PPP2R2A: variants seen among roughly 807,000 people sequenced by gnomAD.
The protein encoded by PPP2R2A is serine/threonine-protein phosphatase 2A 55 kDa regulatory subunit B alpha isoform.
In PPP2R2A, 9 loss-of-function variants were observed where a neutral mutation model predicts 53.2. The observed-to-expected ratio is 0.17, with a 90% CI of 0.10 to 0.30. PPP2R2A has a LOEUF of 0.30. PPP2R2A is among the 10% of genes least tolerant of loss of function. The probability of loss-of-function intolerance (pLI) is 1.00; values close to 1 mark genes in which losing one functional copy is unlikely to be tolerated. For synonymous variants in PPP2R2A, 169 were observed against 174.2 expected (o/e 0.97, Z 0.23); for missense variants, 235 against 534.6 (o/e 0.44, Z 5.53).
Position 26,321,164 on chromosome 8 carries a change from G to A in PPP2R2A, c.83-17726G>A, listed in dbSNP as rs2117266697. 6.6e-6 allele frequency among the ~76,000 whole-genome samples: 1 copy of A among 152,336 alleles called. No individual in the cohort carries two copies. The highest frequency in any genetic ancestry group is 6.5e-5 in the Admixed American group (1 of 15,308). On this transcript the variant is annotated intron_variant, in intron 2 of 9. Coordinates refer to ENST00000380737, the MANE Select transcript of PPP2R2A (RefSeq NM_002717.4). This position sits in a 1 kb window ranked among gnomAD's most constrained non-coding sequence, Gnocchi z 4.1. ...TAGTGTTCATTTCTGTGGTTGTGAAGCGCTAGTAGGAGTAAGTGACAGGAC... is the reference window on the plus strand; with the variant it reads ...TAGTGTTCATTTCTGTGGTTGTGAAACGCTAGTAGGAGTAAGTGACAGGAC...
chr8:26,370,082 A>C lies in PPP2R2A; in HGVS notation c.1065-52A>C. On this transcript the variant is annotated intron_variant, in intron 9 of 9. Coordinates refer to ENST00000380737, the MANE Select transcript of PPP2R2A (RefSeq NM_002717.4). The surrounding 1 kb of genome is among the most constrained non-coding windows in gnomAD (Gnocchi z 6.1). ...TTAATTGCCGAATCATTTTACTTGA[A>C]AACAATTTCTTGTTCTGCTTGTTTG... 6.4e-7 allele frequency: 1 copy of C among 1,558,328 alleles called. No individual in the cohort carries two copies. The highest frequency in any genetic ancestry group is 1.8e-5 in the Admixed American group (1 of 54,870).
At chr8:26,349,506 G>A (rs1314563583) in intron 3 of PPP2R2A, among the ~76,000 whole-genome samples, 2 of 152,182 alleles carry the variant, frequency 1.3e-5, no homozygotes, top group African/African-American at 4.8e-5. Flanking sequence ...AAATCCAGAA[G>A]TGGGATTGCT....
At chr8:26,330,230 G>A (rs896071060) in intron 2 of PPP2R2A, among the ~76,000 whole-genome samples, 1 of 151,376 alleles carries the variant, frequency 6.6e-6, no homozygotes, top group Admixed American at 6.6e-5. Context: ...ACTTCAAATA[G>A]TATGTTTTTT....
chr8:26,365,338 TA>T (rs1472116179), intron 8 of PPP2R2A: 1 of 152,234 alleles, frequency 6.6e-6, no homozygotes, highest in African/African-American at 2.4e-5. Flanking sequence ...CTTTTGATCC[TA>T]ACCCCACATG....
chr8:26,335,559 A>T (rs1563306082), intron 2 of PPP2R2A, among the ~76,000 whole-genome samples: 1 of 152,328 alleles, frequency 6.6e-6, no homozygotes, highest in East Asian at 1.9e-4. Context: ...CACTATTCAG[A>T]TAAAAAGTGA....
chr8:26,292,457 T>A (rs865793291), intron 1 of PPP2R2A: 4 of 983,540 alleles, frequency 4.1e-6, no homozygotes, highest in African/African-American at 3.5e-5. Flanking sequence ...GCAAGTTGCA[T>A]GAAAATAATT....
intron 2 of PPP2R2A, among the ~76,000 whole-genome samples, chr8:26,336,373 G>A (rs1219794080): frequency 6.6e-6 from 1 of 152,108 alleles, no homozygotes; most frequent in Non-Finnish European, 1.5e-5. Flanking sequence ...AGGCTGCAGT[G>A]AGGTATGATT....
chr8:26,332,875 A>AT (rs1229322702), intron 2 of PPP2R2A, among the ~76,000 whole-genome samples: 1 of 152,180 alleles, frequency 6.6e-6, no homozygotes, highest in South Asian at 2.1e-4. Context: ...TCATCCAGAG[A>AT]TTTATAGAAT....
chr8:26,358,999 C>G (rs1476736747), intron 4 of PPP2R2A: 3 of 453,478 alleles, frequency 6.6e-6, no homozygotes, highest in South Asian at 1.6e-5. Flanking sequence ...CAAACATTGT[C>G]TTAACCAAAT....
intron 2 of PPP2R2A, among the ~76,000 whole-genome samples, chr8:26,301,577 A>G (rs777130684): frequency 3.9e-5 from 6 of 151,950 alleles, no homozygotes; most frequent in Admixed American, 6.6e-5. Context: ...TCGTTAGCTG[A>G]GATGTGCTAT....
chr8:26,296,739 T>C (rs376264557), intron 2 of PPP2R2A, among the ~76,000 whole-genome samples: 1 of 152,196 alleles, frequency 6.6e-6, no homozygotes, highest in African/African-American at 2.4e-5. Flanking sequence ...GTAAATGTTA[T>C]TGTTCTTAGG....
At chr8:26,324,186 G>A (rs1400028013) in intron 2 of PPP2R2A, among the ~76,000 whole-genome samples, 5 of 152,064 alleles carry the variant, frequency 3.3e-5, no homozygotes, top group Admixed American at 3.3e-4. Context: ...CTTCATTTTG[G>A]TTTCTGCCTA....
intron 9 of PPP2R2A, among the ~76,000 whole-genome samples, chr8:26,369,374 G>A (rs368907374): frequency 7.4e-5 from 11 of 148,256 alleles, no homozygotes; most frequent in Non-Finnish European, 1.2e-4. Flanking sequence ...CTACAGGCAC[G>A]TGCCACTACA....
intron 2 of PPP2R2A, among the ~76,000 whole-genome samples, chr8:26,329,635 A>T (rs1252583958): frequency 6.6e-6 from 1 of 152,210 alleles, no homozygotes; most frequent in African/African-American, 2.4e-5. Context: ...GTTTTGAACA[A>T]GAAAAATTGT....
At chr8:26,340,854 T>C (rs1268945133) in intron 3 of PPP2R2A, among the ~76,000 whole-genome samples, 1 of 152,158 alleles carries the variant, frequency 6.6e-6, no homozygotes, top group Non-Finnish European at 1.5e-5. Context: ...TAATAGTTAC[T>C]GAAATTACTC....
intron 2 of PPP2R2A, among the ~76,000 whole-genome samples, chr8:26,300,163 T>G (rs917654630): frequency 6.6e-6 from 1 of 152,240 alleles, no homozygotes; most frequent in Non-Finnish European, 1.5e-5. Flanking sequence ...GAAAACATAT[T>G]GCTGACATTT....
At chr8:26,363,685 C>T (rs1208240079) in intron 7 of PPP2R2A, 36 bp from the exon 8 acceptor site, 10 of 1,502,496 alleles carry the variant, frequency 6.7e-6, no homozygotes, top group Non-Finnish European at 9.0e-6. Flanking sequence ...ATATTGTACA[C>T]CTTGCCCTTT....
chr8:26,318,640 T>C (rs1039190913), intron 2 of PPP2R2A, among the ~76,000 whole-genome samples: 3 of 152,220 alleles, frequency 2.0e-5, no homozygotes, highest in African/African-American at 7.2e-5. Context: ...CCAATTTAAA[T>C]TGATACCGCA....
chr8:26,298,335 A>G (rs1050073432), intron 2 of PPP2R2A, among the ~76,000 whole-genome samples: 4 of 152,014 alleles, frequency 2.6e-5, no homozygotes, highest in Non-Finnish European at 5.9e-5. Flanking sequence ...CAGTTGTTCA[A>G]CTCTTCCGCT....
Sources: gnomAD v4.1 joint callset for allele counts (sites outside exome capture counted in the v4.1 genomes callset) on GRCh38, gnomAD v4.1.1 for gene constraint, Gnocchi (gnomAD v3.1) non-coding constraint, MANE v1.5 for transcripts, NCBI Gene and HGNC (gene_info 2026-07-23, HGNC 2026-07-21) for gene names.